Variants in NBEA observed in about 807,000 individuals in gnomAD.
NBEA encodes lysosomal-trafficking regulator 2.
A neutral mutation model predicts 343.4 loss-of-function variants in NBEA; 44 were observed. The ratio of observed to expected loss-of-function variants is 0.13; its 90% CI spans 0.10 to 0.16. The LOEUF is 0.16. NBEA is among the 10% of genes least tolerant of loss of function. The pLI is 1.00. For synonymous variants in NBEA, 1,175 were observed against 1,238.7 expected (o/e 0.95, Z 1.08); for missense variants, 2,555 against 3,631.3 (o/e 0.70, Z 7.62).
chr13:35,304,634 A>G (rs2036773995), intron 35 of NBEA, among the ~76,000 whole-genome samples: 1 of 152,166 alleles, frequency 6.6e-6, no homozygotes, highest in African/African-American at 2.4e-5. Context: ...CTGTAGGCTG[A>G]TAAAGTTACT....
chr13:35,072,801 G>C (rs1399727030), intron 10 of NBEA, among the ~76,000 whole-genome samples: 1 of 152,040 alleles, frequency 6.6e-6, no homozygotes, highest in African/African-American at 2.4e-5. Context: ...GACCTCAAGT[G>C]ATTCACCTGC....
At chr13:35,208,568 A>G in intron 31 of NBEA, 132 bp from the exon 32 acceptor site, 1 of 656,894 alleles carries the variant, frequency 1.5e-6, no homozygotes, top group Admixed American at 3.6e-5. Context: ...TGGACTAAGG[A>G]GTTTAAAATT....
At chr13:35,296,380 C>CA (rs1184169537) in intron 35 of NBEA, among the ~76,000 whole-genome samples, 1,343 of 79,200 alleles carry the variant, frequency 0.017, 19 homozygotes, top group African/African-American at 0.049. Flanking sequence ...GACTCAGTCT[C>CA]AAAAAAAAAA....
intron 41 of NBEA, among the ~76,000 whole-genome samples, chr13:35,545,651 T>C (rs2079028647): frequency 6.6e-6 from 1 of 152,180 alleles, no homozygotes. Context: ...TTAGTATACA[T>C]TTTCCCATGT....
intron 41 of NBEA, among the ~76,000 whole-genome samples, chr13:35,529,495 G>T (rs966791313): frequency 2.6e-5 from 4 of 152,188 alleles, no homozygotes; most frequent in Non-Finnish European, 5.9e-5. Flanking sequence ...ACACTAAAGT[G>T]TAGTAGAAAG....
chr13:35,378,531 G>C (rs568169407), intron 38 of NBEA, among the ~76,000 whole-genome samples: 69 of 151,912 alleles, frequency 4.5e-4, no homozygotes, highest in African/African-American at 1.6e-3. Context: ...TTAGGTCTTG[G>C]GTAAGTGTTA....
At chr13:35,294,043 G>GT (rs1265307264) in intron 35 of NBEA, among the ~76,000 whole-genome samples, 1 of 152,026 alleles carries the variant, frequency 6.6e-6, no homozygotes, top group Non-Finnish European at 1.5e-5. Flanking sequence ...GTAATATAAA[G>GT]TAAGAGGCCT....
chr13:35,161,772 C>A lies in NBEA; in HGVS notation c.3884C>A (p.Thr1295Asn), dbSNP rs2069581750. 2.0e-5 allele frequency: 33 copies of A among 1,611,340 alleles called. No individual in the cohort carries two copies. The highest frequency in any genetic ancestry group is 2.8e-5 in the Non-Finnish European group (33 of 1,178,850). The change falls in exon 23 of 59, where the codon ACC becomes AAC. Residue 1295 changes from threonine (T) to asparagine (N), a missense_variant. Thr to Asn is a moderately conservative substitution (Grantham distance 65). Transcript: ENST00000379939. ...TTQAVQGRSI[T>N]QQDRDLRVDL... ...TAGGCTGTGCAGGGTCGGTCTATCA[C>A]CCAACAAGACCGAGATCTCCGAGTT...
At chr13:35,342,271 A>G (rs989084854) in intron 36 of NBEA, among the ~76,000 whole-genome samples, 4 of 152,122 alleles carry the variant, frequency 2.6e-5, no homozygotes, top group African/African-American at 9.6e-5. Flanking sequence ...CTAGACTTAT[A>G]TAGTTCGTGG....
At chr13:35,352,664 A>G (rs2040254669) in intron 38 of NBEA, among the ~76,000 whole-genome samples, 1 of 152,114 alleles carries the variant, frequency 6.6e-6, no homozygotes, top group South Asian at 2.1e-4. Context: ...AGAATCTTTT[A>G]GAGTCAACTC....
chr13:35,196,336 T>G, intron 31 of NBEA, 34 bp downstream of exon 31: 1 of 1,529,632 alleles, frequency 6.5e-7, no homozygotes, highest in Non-Finnish European at 8.8e-7. Flanking sequence ...CAGGGCTTTA[T>G]ACATAAAAGG....
chr13:35,569,419 A>G (rs1358851014), intron 45 of NBEA, among the ~76,000 whole-genome samples: 1 of 152,204 alleles, frequency 6.6e-6, no homozygotes, highest in East Asian at 1.9e-4. Flanking sequence ...GCATATTACA[A>G]CCTCGTACGA....
At chr13:35,524,972 T>G (rs2077898788) in intron 41 of NBEA, among the ~76,000 whole-genome samples, 1 of 152,184 alleles carries the variant, frequency 6.6e-6, no homozygotes, top group African/African-American at 2.4e-5. Context: ...GGATCCTTTT[T>G]TTAATTTAGA....
chr13:35,117,766 G>A (rs375947910), intron 14 of NBEA, among the ~76,000 whole-genome samples: 7 of 152,002 alleles, frequency 4.6e-5, no homozygotes, highest in South Asian at 2.1e-4. Flanking sequence ...ACCATTATTC[G>A]AGAAAATGAT....
chr13:35,327,587 G>T (rs2038653772), intron 36 of NBEA, among the ~76,000 whole-genome samples: 2 of 151,896 alleles, frequency 1.3e-5, no homozygotes, highest in South Asian at 2.1e-4. Flanking sequence ...GGATAAATGT[G>T]GACATAAAGA....
In NBEA at chr13:34,962,627, A is replaced by G. The variant is rs186431843; in HGVS notation, c.294+19513A>G. On this transcript the variant is annotated intron_variant, in intron 1 of 58. Transcript: ENST00000379939. ...TACAATGAGAGTACTCTTATTCCCA[A>G]CATGTTTTTATATATTATTTGCTAT... Among the ~76,000 whole-genome samples, 399 of 152,174 alleles carry G rather than the reference A, an allele frequency of 2.6e-3. 2 individuals are homozygous for G. The highest frequency in any genetic ancestry group is 0.014 in the Middle Eastern group (4 of 294).
At chr13:35,469,090 A>G (rs1346344347) in intron 40 of NBEA, among the ~76,000 whole-genome samples, 1 of 96,488 alleles carries the variant, frequency 1.0e-5, no homozygotes, top group Non-Finnish European at 1.9e-5. Flanking sequence ...ACAGAGCAAG[A>G]CTCTATCTCA....
chr13:35,109,111 G>T (rs1203365740), intron 11 of NBEA, among the ~76,000 whole-genome samples, 179 bp from the exon 12 acceptor site: 1 of 152,000 alleles, frequency 6.6e-6, no homozygotes, highest in Non-Finnish European at 1.5e-5. Context: ...ATCACTCAAA[G>T]AAATAGCTGA....
chr13:35,562,648 G>T (rs2079913980), intron 44 of NBEA, among the ~76,000 whole-genome samples: 1 of 151,936 alleles, frequency 6.6e-6, no homozygotes, highest in South Asian at 2.1e-4. Context: ...CATGTGTTGG[G>T]CTTATTATTG....
Sources: allele counts gnomAD v4.1 joint callset (sites outside exome capture counted in the v4.1 genomes callset), GRCh38; gene constraint gnomAD v4.1.1; transcripts MANE v1.5; gene names NCBI Gene and HGNC (gene_info 2026-07-23, HGNC 2026-07-21).